MAN2A1: variants seen among roughly 807,000 people sequenced by gnomAD.
MAN2A1 encodes alpha-mannosidase 2.
In MAN2A1, 76 loss-of-function variants were observed where a neutral mutation model predicts 142.6. The ratio of observed to expected loss-of-function variants is 0.53; its 90% CI spans 0.44 to 0.65. The LOEUF is 0.65. Among genes scored for constraint, MAN2A1 ranks in the 30% least tolerant of loss-of-function variants. The probability of loss-of-function intolerance (pLI) is 0.00; values close to 1 mark genes in which losing one functional copy is unlikely to be tolerated. For missense variants in MAN2A1, 1,311 were observed against 1,365.1 expected (o/e 0.96, Z 0.62); for synonymous variants, 559 against 473.2 (o/e 1.18, Z -2.35).
chr5:109,714,067 T>A (rs188648902), intron 2 of MAN2A1, among the ~76,000 whole-genome samples: 6 of 152,268 alleles, frequency 3.9e-5, no homozygotes, highest in African/African-American at 1.4e-4. Flanking sequence ...TTTAAAGGTT[T>A]AAATTTTGCC....
chr5:109,834,487 GTCT>G (rs1413715121), intron 16 of MAN2A1, among the ~76,000 whole-genome samples: 2 of 151,224 alleles, frequency 1.3e-5, no homozygotes, highest in African/African-American at 4.9e-5. Context: ...CATTTATTAT[GTCT>G]TCTTCAAGTA....
At chr5:109,729,990 T>C (rs560939790) in intron 4 of MAN2A1, among the ~76,000 whole-genome samples, 3 of 152,200 alleles carry the variant, frequency 2.0e-5, no homozygotes, top group East Asian at 3.9e-4. Context: ...AGACTCTGCC[T>C]TGGGGGAAAA....
intron 3 of MAN2A1, among the ~76,000 whole-genome samples, chr5:109,728,386 T>C (rs1232453161): frequency 6.6e-6 from 1 of 152,182 alleles, no homozygotes; most frequent in Non-Finnish European, 1.5e-5. Context: ...AATAGACCAA[T>C]AGTTCAGCTT....
intron 1 of MAN2A1, among the ~76,000 whole-genome samples, chr5:109,691,640 A>G (rs977131740): frequency 2.0e-4 from 31 of 152,242 alleles, no homozygotes; most frequent in African/African-American, 7.0e-4. Context: ...GATTAAAGTA[A>G]AAACTTTACT....
chr5:109,756,156 C>T (rs1157759754), intron 5 of MAN2A1, among the ~76,000 whole-genome samples: 1 of 151,962 alleles, frequency 6.6e-6, no homozygotes. Context: ...GGGTCAGCTG[C>T]ACCTAAAGGC....
At chr5:109,824,799 A>C (rs1405090050) in intron 16 of MAN2A1, among the ~76,000 whole-genome samples, 2 of 152,088 alleles carry the variant, frequency 1.3e-5, no homozygotes, top group Non-Finnish European at 2.9e-5. Context: ...CAGAAGTTCA[A>C]TTTTCTGATT....
At chr5:109,742,698 A>G (rs765768450) in intron 4 of MAN2A1, among the ~76,000 whole-genome samples, 31 of 152,204 alleles carry the variant, frequency 2.0e-4, no homozygotes, top group Non-Finnish European at 3.8e-4. Flanking sequence ...TTTATAGAGC[A>G]ATGGGAAGTT....
intron 10 of MAN2A1, 29 bp downstream of exon 10, chr5:109,784,955 A>T (rs764357637): frequency 2.0e-6 from 3 of 1,503,444 alleles, no homozygotes; most frequent in African/African-American, 1.4e-5. Flanking sequence ...AATCATCTTT[A>T]AAAAAATCAT....
At chr5:109,796,094 A>G (rs1753854016) in intron 12 of MAN2A1, among the ~76,000 whole-genome samples, 1 of 152,174 alleles carries the variant, frequency 6.6e-6, no homozygotes, top group Non-Finnish European at 1.5e-5. Flanking sequence ...ACCCTTTTTT[A>G]TGAAGTTGAG....
At chr5:109,737,092 CTT>C (rs10686903) in intron 4 of MAN2A1, among the ~76,000 whole-genome samples, 1 of 112,150 alleles carries the variant, frequency 8.9e-6, no homozygotes. Context: ...ACTGTATACT[CTT>C]TTTTTTTTTT....
chr5:109,704,750 A>G (rs895688036), intron 1 of MAN2A1, among the ~76,000 whole-genome samples: 6 of 152,212 alleles, frequency 3.9e-5, no homozygotes, highest in African/African-American at 9.7e-5. Flanking sequence ...TGCTGGAAAT[A>G]CAGACTCTCT....
chr5:109,791,067 A>G (rs1264975229), intron 12 of MAN2A1, among the ~76,000 whole-genome samples: 1 of 152,114 alleles, frequency 6.6e-6, no homozygotes, highest in Non-Finnish European at 1.5e-5. Flanking sequence ...CTACAGGTAA[A>G]CATAAATGGA....
chr5:109,833,013 C>T (rs1000189127), intron 16 of MAN2A1, among the ~76,000 whole-genome samples: 13 of 149,330 alleles, frequency 8.7e-5, no homozygotes, highest in African/African-American at 3.2e-4. Context: ...CGGGCAGAGG[C>T]GCTCCTCACA....
At chr5:109,826,111 G>T (rs1465330509) in intron 16 of MAN2A1, among the ~76,000 whole-genome samples, 4 of 151,446 alleles carry the variant, frequency 2.6e-5, no homozygotes, top group Non-Finnish European at 5.9e-5. Flanking sequence ...TCGCCATGTT[G>T]GTCAGGCTGG....
chr5:109,836,041 A>G (rs1018428664), intron 16 of MAN2A1, among the ~76,000 whole-genome samples: 2 of 151,924 alleles, frequency 1.3e-5, no homozygotes, highest in African/African-American at 4.8e-5. Context: ...TTTACCTCAT[A>G]TTTCAGGCAT....
intron 4 of MAN2A1, among the ~76,000 whole-genome samples, chr5:109,736,581 G>A (rs995048422): frequency 9.9e-5 from 15 of 152,088 alleles, no homozygotes; most frequent in Non-Finnish European, 1.6e-4. Context: ...AAAATATTTC[G>A]TATTTTCTAA....
At chr5:109,822,717 AC>A (rs1431224471) in intron 15 of MAN2A1, among the ~76,000 whole-genome samples, 1 of 151,884 alleles carries the variant, frequency 6.6e-6, no homozygotes, top group East Asian at 1.9e-4. Context: ...TTGCACTTTC[AC>A]CCAGGCTGGA....
At chr5:109,706,366 A>G (rs1045925030) in intron 1 of MAN2A1, among the ~76,000 whole-genome samples, 3 of 152,224 alleles carry the variant, frequency 2.0e-5, no homozygotes, top group Non-Finnish European at 4.4e-5. Context: ...TACTTTTACT[A>G]TGTAGCAGCA....
intron 7 of MAN2A1, 40 bp downstream of exon 7, chr5:109,770,581 A>C: frequency 1.3e-6 from 2 of 1,575,794 alleles, no homozygotes; most frequent in East Asian, 2.2e-5. Flanking sequence ...ATCTTGAATA[A>C]AGTAGCCACT....
Sources: allele counts gnomAD v4.1 joint callset (sites outside exome capture counted in the v4.1 genomes callset), GRCh38; gene constraint gnomAD v4.1.1; transcripts MANE v1.5; gene names NCBI Gene and HGNC (gene_info 2026-07-23, HGNC 2026-07-21).